The following SHB variants were observed in gnomAD, a reference collection of about 807,000 sequenced individuals.
SHB encodes the protein SH2 domain containing adaptor protein B, also known as SH2 domain-containing adapter protein B.
Under a neutral mutation model 52.3 loss-of-function variants are expected in SHB, and 20 were observed. The observed-to-expected ratio is 0.38, with a 90% CI of 0.27 to 0.56. The LOEUF is 0.56. Among genes scored for constraint, SHB ranks in the 20% least tolerant of loss-of-function variants. The pLI, the probability that SHB is intolerant of heterozygous loss-of-function variation, is 0.71. For missense variants in SHB, 825 were observed against 723.3 expected (o/e 1.14, Z -1.61); for synonymous variants, 397 against 316.5 (o/e 1.25, Z -2.70).
intron 2 of SHB, among the ~76,000 whole-genome samples, chr9:38,012,524 T>C (rs1821152964): frequency 6.6e-6 from 1 of 152,022 alleles, no homozygotes; most frequent in Non-Finnish European, 1.5e-5. Flanking sequence ...CCTCATTCCA[T>C]ATGTAAGTAA....
intron 2 of SHB, among the ~76,000 whole-genome samples, chr9:37,993,926 T>C (rs1820914847): frequency 6.6e-6 from 1 of 152,192 alleles, no homozygotes; most frequent in East Asian, 1.9e-4. Context: ...CTGTGAAGAC[T>C]TGCCTGAAGC....
chr9:37,984,295 G>T (rs2117995099), intron 2 of SHB, among the ~76,000 whole-genome samples: 1 of 152,306 alleles, frequency 6.6e-6, no homozygotes, highest in Middle Eastern at 3.4e-3. Flanking sequence ...GAACGGGAGG[G>T]TCCCAATACC....
chr9:38,048,151 T>A (rs1821682961), intron 1 of SHB, among the ~76,000 whole-genome samples: 1 of 152,182 alleles, frequency 6.6e-6, no homozygotes, highest in Admixed American at 6.5e-5. Context: ...TGTTACCACT[T>A]CAAAAAAATT....
At chr9:37,983,325 T>A (rs769941891) in intron 2 of SHB, among the ~76,000 whole-genome samples, 16 of 152,082 alleles carry the variant, frequency 1.1e-4, no homozygotes, top group African/African-American at 1.2e-4. Flanking sequence ...AGTCAAAAGC[T>A]TAAGGTGTAC....
rs1564078828 is a variant in SHB at position 37,919,742 on chromosome 9, T to C, written c.*79A>G. On this transcript the variant is annotated 3_prime_UTR_variant, in exon 6 of 6. Coordinates refer to ENST00000377707, the MANE Select transcript of SHB (RefSeq NM_003028.3). ...ACACAAACGACACAGCCAGCAACAGTGGCTGGGCTGGTTGGTGGGGGGCCT... is the reference window on the plus strand; with the variant it reads ...ACACAAACGACACAGCCAGCAACAGCGGCTGGGCTGGTTGGTGGGGGGCCT... The C allele has an allele frequency of 4.5e-6, 5 of 1,123,436 alleles. No individual in the cohort carries two copies. Among genetic ancestry groups the C allele is most frequent in the African/African-American group, 1.5e-5 (1 of 64,872 alleles). The allele number at this position is 1,123,436 out of a possible 1,614,324, so 69.6% of individuals were successfully genotyped here.
At chr9:37,956,671 A>G (rs767536608) in intron 3 of SHB, among the ~76,000 whole-genome samples, 1 of 152,256 alleles carries the variant, frequency 6.6e-6, no homozygotes, top group Middle Eastern at 3.4e-3. Flanking sequence ...CTGTGGGAGC[A>G]TCGTTCACCC....
chr9:38,039,197 C>CTT (rs1445714587), intron 1 of SHB, among the ~76,000 whole-genome samples: 1 of 152,138 alleles, frequency 6.6e-6, no homozygotes, highest in Non-Finnish European at 1.5e-5. Context: ...TGCTGTCAGG[C>CTT]GTTAAGCCTC....
intron 2 of SHB, among the ~76,000 whole-genome samples, chr9:38,003,364 C>T (rs140600506): frequency 3.3e-4 from 50 of 152,170 alleles, no homozygotes; most frequent in Non-Finnish European, 6.6e-4. Flanking sequence ...ATGCCCCTCG[C>T]TGCAACCGCT....
At position 37,994,149 on chromosome 9, in the gene SHB, T is replaced by C. The variant is rs190414593; in HGVS notation, c.839-19312A>G. On this transcript the variant is annotated intron_variant, in intron 2 of 5. Coordinates refer to ENST00000377707, the MANE Select transcript of SHB (RefSeq NM_003028.3). ...CCCTTTGTTACTTTATAGATGGTTA[T>C]AGCAACACTGCAATGTGAGAGAGTA... Among the ~76,000 whole-genome samples, 220 of 152,340 alleles carry C rather than the reference T, an allele frequency of 1.4e-3. 1 individual carries two copies. Among genetic ancestry groups the C allele is most frequent in the Non-Finnish European group, 2.2e-3 (153 of 68,022 alleles).
At chr9:37,959,614 T>C (rs1040258907) in intron 3 of SHB, among the ~76,000 whole-genome samples, 1 of 152,248 alleles carries the variant, frequency 6.6e-6, no homozygotes, top group South Asian at 2.1e-4. Context: ...ACACAGAAGG[T>C]GAGCAGAGAG....
chr9:37,938,390 C>G (rs776020), intron 5 of SHB, among the ~76,000 whole-genome samples: 85,621 of 152,132 alleles, frequency 0.56, 24,326 homozygotes, highest in Middle Eastern at 0.64. Context: ...GCAGCACCCT[C>G]TATGCCTTCT....
In SHB at chr9:37,918,740, T is replaced by C. The variant is rs1832136213; in HGVS notation, c.*1081A>G. On this transcript the variant is annotated 3_prime_UTR_variant, in exon 6 of 6. Transcript: ENST00000377707. The stretch of plus-strand genomic sequence containing the variant: ...TACATGCCAAATACCTCCCAGGTGG[T>C]GCTAACAGATAGTGGGGAGAGAGCC... Among the ~76,000 whole-genome samples the C allele has an allele frequency of 6.6e-6, 1 of 152,192 alleles. No homozygotes were observed. The highest frequency in any genetic ancestry group is 6.5e-5 in the Admixed American group (1 of 15,284).
chr9:38,023,300 G>A (rs1465253325), intron 1 of SHB, among the ~76,000 whole-genome samples: 2 of 152,228 alleles, frequency 1.3e-5, no homozygotes, highest in Non-Finnish European at 2.9e-5. Flanking sequence ...AGTTTCGGCA[G>A]GTCACCTGTG....
intron 1 of SHB, among the ~76,000 whole-genome samples, chr9:38,018,510 A>AG (rs1233584885): frequency 1.3e-5 from 2 of 151,942 alleles, no homozygotes. Context: ...TCCATTGAAA[A>AG]AAAAAAAAAA....
At chr9:37,929,495 G>A (rs994092018) in intron 5 of SHB, among the ~76,000 whole-genome samples, 5 of 152,248 alleles carry the variant, frequency 3.3e-5, no homozygotes, top group Non-Finnish European at 7.3e-5. Flanking sequence ...ACCAGTGGCC[G>A]CCTGTCTGGT....
Position 38,067,385 on chromosome 9 carries a change from G to T in SHB, c.717+544C>A, listed in dbSNP as rs372620581. Among the ~76,000 whole-genome samples the T allele has an allele frequency of 2.2e-4, 33 of 152,262 alleles. 3 individuals are homozygous for T. The highest frequency in any genetic ancestry group is 6.5e-4 in the African/African-American group (27 of 41,574). On this transcript the variant is annotated intron_variant, in intron 1 of 5. Transcript: ENST00000377707. The stretch of plus-strand genomic sequence containing the variant: ...TCCGGTACCAGGCAGCCCGGATTTG[G>T]AAACCTAGAGCTGGGGGTGGGGCAG...
intron 1 of SHB, among the ~76,000 whole-genome samples, chr9:38,042,250 G>T (rs115541126): frequency 1.2e-3 from 177 of 152,318 alleles, no homozygotes; most frequent in African/African-American, 4.2e-3. Flanking sequence ...AGTTTAGCAT[G>T]GTGCCCGGGA....
chr9:38,014,428 C>A (rs1821183707), intron 2 of SHB, among the ~76,000 whole-genome samples: 1 of 152,274 alleles, frequency 6.6e-6, no homozygotes, highest in African/African-American at 2.4e-5. Context: ...AGGGCATGCA[C>A]TGGCTGTGGT....
Position 37,916,281 on chromosome 9 carries a change from C to A in SHB, c.*3540G>T, listed in dbSNP as rs1176960098. Reference sequence around the variant, plus strand: ...TGCCTGATTCGGCCATGACCCTTCACGGGTGTCTGTGGGCCAACACCAAAC... The same window carrying A: ...TGCCTGATTCGGCCATGACCCTTCAAGGGTGTCTGTGGGCCAACACCAAAC... On this transcript the variant is annotated 3_prime_UTR_variant, in exon 6 of 6. Transcript: ENST00000377707. Among the ~76,000 whole-genome samples the A allele has an allele frequency of 6.6e-6, 1 of 152,242 alleles. No individual in the cohort carries two copies. Among genetic ancestry groups the A allele is most frequent in the Non-Finnish European group, 1.5e-5 (1 of 68,050 alleles).
Sources: allele counts gnomAD v4.1 joint callset (sites outside exome capture counted in the v4.1 genomes callset), GRCh38; gene constraint gnomAD v4.1.1; transcripts MANE v1.5; gene names NCBI Gene and HGNC (gene_info 2026-07-23, HGNC 2026-07-21).